Variants in DOCK5 observed in about 807,000 individuals in gnomAD.
DOCK5 encodes the protein dedicator of cytokinesis protein 5.
DOCK5 carries 142 observed loss-of-function variants against 251.8 expected under a neutral mutation model. The observed-to-expected ratio is 0.56, with a 90% confidence interval of 0.49 to 0.65. The LOEUF is 0.65. DOCK5 is among the 30% of genes least tolerant of loss of function. The pLI is 0.00. For missense variants in DOCK5, 2,111 were observed against 2,312.3 expected, an observed-to-expected ratio of 0.91 and a Z score of 1.79; for synonymous variants, 842 against 835.5, an observed-to-expected ratio of 1.01 and a Z score of -0.13.
At position 25,399,023 on chromosome 8, in the gene DOCK5, T is replaced by G. The variant is rs1354548090; in HGVS notation, c.4705-888T>G. Among the ~76,000 whole-genome samples the G allele has an allele frequency of 2.6e-5, 4 of 152,132 alleles. No homozygotes were observed. The East Asian group carries it at 5.8e-4, about 22-fold the overall frequency. ...GGTTTTATATAATGGGGGGTTTGGCTCTCAAGGCATTAAAGCAGAAGACCG... is the reference window on the plus strand; with the variant it reads ...GGTTTTATATAATGGGGGGTTTGGCGCTCAAGGCATTAAAGCAGAAGACCG... On this transcript the variant is annotated intron_variant, in intron 45 of 51. Coordinates refer to ENST00000276440, the MANE Select transcript of DOCK5 (RefSeq NM_024940.8).
At chr8:25,392,318 A>G (rs1801275204) in intron 43 of DOCK5, among the ~76,000 whole-genome samples, 1 of 152,240 alleles carries the variant, frequency 6.6e-6, no homozygotes, top group Middle Eastern at 3.4e-3. Context: ...AAAAAAAAAA[A>G]AAAGGTAAAA....
rs767702404 is a variant in DOCK5, at chr8:25,403,569, G to A, written c.4938G>A (p.Leu1646=). The change falls in exon 48 of 52, where the codon TTG becomes TTA. Residue 1646 remains leucine (L), a synonymous_variant. Transcript: ENST00000276440. The part of the protein sequence containing the change: ...HYGVITLPPN[L]TERKQSRTGS... Reference sequence around the variant, plus strand: ...TCATATGTTTTCAGCCACCCAACTTGACGGAGAGGAAGCAAAGCCGCACGG... The same window carrying A: ...TCATATGTTTTCAGCCACCCAACTTAACGGAGAGGAAGCAAAGCCGCACGG... 1 of 1,613,808 alleles carries A rather than the reference G, an allele frequency of 6.2e-7. No individual in the cohort carries two copies. The highest frequency in any genetic ancestry group is 1.1e-5 in the South Asian group (1 of 91,056).
chr8:25,353,399 A>G (rs751167820), intron 27 of DOCK5, among the ~76,000 whole-genome samples: 2 of 152,168 alleles, frequency 1.3e-5, no homozygotes, highest in Non-Finnish European at 2.9e-5. Flanking sequence ...CATATTATAA[A>G]AGGATTTAGA....
At chr8:25,231,892 T>G (rs1802677785) in intron 1 of DOCK5, among the ~76,000 whole-genome samples, 1 of 152,180 alleles carries the variant, frequency 6.6e-6, no homozygotes, top group African/African-American at 2.4e-5. Flanking sequence ...ACCAAATGTC[T>G]TTTCTATATC....
chr8:25,203,773 C>G (rs1801936028), intron 1 of DOCK5, among the ~76,000 whole-genome samples: 1 of 152,036 alleles, frequency 6.6e-6, no homozygotes, highest in Non-Finnish European at 1.5e-5. Flanking sequence ...GTGATTTTTT[C>G]TTTTATTTGC....
intron 5 of DOCK5, among the ~76,000 whole-genome samples, chr8:25,283,681 T>A (rs1804263869): frequency 6.6e-6 from 1 of 152,176 alleles, no homozygotes; most frequent in Admixed American, 6.5e-5. Context: ...TATGGCCCCT[T>A]ATCCAAGGTC....
chr8:25,361,727 A>C (rs929690827), intron 28 of DOCK5, among the ~76,000 whole-genome samples: 1 of 152,202 alleles, frequency 6.6e-6, no homozygotes, highest in Non-Finnish European at 1.5e-5. Context: ...CCATAAAACC[A>C]GGGGAGAATC....
intron 1 of DOCK5, among the ~76,000 whole-genome samples, chr8:25,230,200 A>G (rs920527660): frequency 1.3e-5 from 2 of 152,156 alleles, no homozygotes; most frequent in Non-Finnish European, 2.9e-5. Context: ...GCTGGTTTGC[A>G]TGAGGCTCAC....
intron 44 of DOCK5, among the ~76,000 whole-genome samples, chr8:25,395,174 A>G (rs542073159): frequency 9.2e-5 from 14 of 152,208 alleles, no homozygotes; most frequent in Non-Finnish European, 1.9e-4. Context: ...CACAACCTAG[A>G]TCCCTCGCAT....
At position 25,308,765 on chromosome 8, in the gene DOCK5, T is replaced by G. The variant is rs1177949783; in HGVS notation, c.1050-18T>G. 1 of 1,613,130 alleles carries G rather than the reference T, an allele frequency of 6.2e-7. No homozygotes were observed. Among genetic ancestry groups the G allele is most frequent in the South Asian group, 1.1e-5 (1 of 91,030 alleles). On this transcript the variant is annotated intron_variant, in intron 11 of 51. Coordinates refer to ENST00000276440, the MANE Select transcript of DOCK5 (RefSeq NM_024940.8). ...CTTTCTCCCCCTCCCACCTTACCTC[T>G]TATTTCTCTTTCCCAAGAATTGCGA...
intron 1 of DOCK5, among the ~76,000 whole-genome samples, chr8:25,231,351 A>C (rs1016869637): frequency 1.1e-4 from 16 of 152,116 alleles, no homozygotes; most frequent in Admixed American, 9.8e-4. Flanking sequence ...GCTTCCGTGA[A>C]CTTTCTTGGA....
rs1804737077 is a variant in DOCK5, at chr8:25,300,583, T to C, written c.772T>C (p.Tyr258His). The change falls in exon 9 of 52, where the codon TAT becomes CAT. Residue 258 changes from tyrosine to histidine, a missense_variant. Coordinates refer to ENST00000276440, the MANE Select transcript of DOCK5 (RefSeq NM_024940.8). ...TTTTTTTTCCTTTGCCAGTGAGAAC[T>C]ATCTAATTCGTTGGGGCAGTAACGG... is the stretch of plus-strand genomic sequence containing the variant. ...PDQSTFISEN[Y>H]LIRWGSNGMP... 2 of 1,612,620 alleles carry C rather than the reference T, an allele frequency of 1.2e-6. No individual in the cohort carries two copies. Among genetic ancestry groups the C allele is most frequent in the Non-Finnish European group, 1.7e-6 (2 of 1,179,362 alleles).
At chr8:25,409,027 G>A in intron 50 of DOCK5, 87 bp downstream of exon 50, 4 of 1,563,096 alleles carry the variant, frequency 2.6e-6, no homozygotes, top group Non-Finnish European at 3.5e-6. Context: ...AAACCAGCCA[G>A]AATGTATGTA....
intron 1 of DOCK5, among the ~76,000 whole-genome samples, chr8:25,226,724 T>G (rs1403697785): frequency 6.6e-6 from 1 of 152,090 alleles, no homozygotes; most frequent in African/African-American, 2.4e-5. Flanking sequence ...TAGCTGGGAC[T>G]ACAGGCGCCC....
chr8:25,376,923 C>G (rs35468703), intron 37 of DOCK5: 29,394 of 154,580 alleles, frequency 0.19, 3,249 homozygotes, highest in African/African-American at 0.3. Flanking sequence ...GTTTCTTAGT[C>G]AACTGCCTTG....
intron 39 of DOCK5, 140 bp downstream of exon 39, chr8:25,380,534 G>C: frequency 1.4e-6 from 1 of 702,390 alleles, no homozygotes; most frequent in South Asian, 1.9e-5. Flanking sequence ...AAATGAGAAT[G>C]AAAAAAGATG....
At chr8:25,237,579 T>C (rs1487845075) in intron 1 of DOCK5, among the ~76,000 whole-genome samples, 1 of 152,168 alleles carries the variant, frequency 6.6e-6, no homozygotes, top group Non-Finnish European at 1.5e-5. Flanking sequence ...AAATGCAAAC[T>C]ATTTTGTCTT....
At chr8:25,248,576 C>T (rs1803179314) in intron 2 of DOCK5, among the ~76,000 whole-genome samples, 1 of 152,050 alleles carries the variant, frequency 6.6e-6, no homozygotes, top group Non-Finnish European at 1.5e-5. Flanking sequence ...GTGTGTTTTT[C>T]CAGCGTGGAC....
chr8:25,385,607 C>T (rs982623542), intron 40 of DOCK5, among the ~76,000 whole-genome samples: 6 of 152,220 alleles, frequency 3.9e-5, no homozygotes, highest in African/African-American at 1.2e-4. Flanking sequence ...TAAACTCCTA[C>T]CATATACTTG....
Sources: allele counts gnomAD v4.1 joint callset (sites outside exome capture counted in the v4.1 genomes callset), GRCh38; gene constraint gnomAD v4.1.1; transcripts MANE v1.5; gene names NCBI Gene and HGNC (gene_info 2026-07-23, HGNC 2026-07-21).